Variants in EXTL3 observed in about 807,000 individuals in gnomAD.
The protein encoded by EXTL3 is exostosin like glycosyltransferase 3, also known as exostosin-like 3.
A neutral mutation model predicts 69.3 loss-of-function variants in EXTL3; 27 were observed. The observed-to-expected ratio is 0.39, with a 90% CI of 0.29 to 0.54. The LOEUF (loss-of-function observed/expected upper bound fraction) is 0.54, where lower values mean the gene tolerates loss of function less well. Among genes scored for constraint, EXTL3 ranks in the 20% least tolerant of loss-of-function variants. The pLI, the probability that EXTL3 is intolerant of heterozygous loss-of-function variation, is 0.69. For missense variants in EXTL3, 1,003 were observed against 1,231.8 expected (o/e 0.81, Z 2.78); for synonymous variants, 511 against 499.4 (o/e 1.02, Z -0.31).
chr8:28,732,808 C>T (rs1801566533), intron 4 of EXTL3, among the ~76,000 whole-genome samples: 1 of 152,126 alleles, frequency 6.6e-6, no homozygotes, highest in African/African-American at 2.4e-5. Context: ...ATTGCAACCT[C>T]TGCCTCCCAG....
intron 1 of EXTL3, among the ~76,000 whole-genome samples, chr8:28,629,072 C>T (rs985934547): frequency 6.6e-6 from 1 of 152,098 alleles, no homozygotes; most frequent in Non-Finnish European, 1.5e-5. Flanking sequence ...CGGTGAGGCC[C>T]GAGCTATCCA....
intron 6 of EXTL3, among the ~76,000 whole-genome samples, chr8:28,746,066 T>G (rs1264357021): frequency 6.6e-6 from 1 of 152,236 alleles, no homozygotes; most frequent in Non-Finnish European, 1.5e-5. Flanking sequence ...ATTTACCTAA[T>G]TTTAATGGTA....
At chr8:28,625,821 G>A (rs553255001) in intron 1 of EXTL3, among the ~76,000 whole-genome samples, 18 of 151,964 alleles carry the variant, frequency 1.2e-4, no homozygotes, top group Non-Finnish European at 2.4e-4. Flanking sequence ...TTAGCCAGAA[G>A]TGGGAGGAGA....
intron 5 of EXTL3, among the ~76,000 whole-genome samples, chr8:28,738,551 C>T (rs1277544456): frequency 6.6e-6 from 1 of 152,206 alleles, no homozygotes; most frequent in Non-Finnish European, 1.5e-5. Context: ...GTGCCGCTCT[C>T]TACCTCCCTC....
intron 1 of EXTL3, among the ~76,000 whole-genome samples, chr8:28,662,779 G>A (rs1398315415): frequency 6.6e-6 from 1 of 152,088 alleles, no homozygotes; most frequent in Admixed American, 6.6e-5. Context: ...AGGCGTGGTG[G>A]CACGTGCCTG....
chr8:28,661,525 A>G (rs1185783599), intron 1 of EXTL3, among the ~76,000 whole-genome samples: 1 of 152,056 alleles, frequency 6.6e-6, no homozygotes, highest in African/African-American at 2.4e-5. Flanking sequence ...TGGGGCGTAT[A>G]TAAACACACA....
chr8:28,716,006 C>A lies in EXTL3; in HGVS notation c.-54C>A. 6.9e-7 allele frequency: 1 copy of A among 1,449,696 alleles called. No homozygotes were observed. Among genetic ancestry groups the A allele is most frequent in the South Asian group, 1.2e-5 (1 of 82,640 alleles). 89.8% of individuals were successfully genotyped at this position (1,449,696 alleles called of 1,614,324 possible). ...GAGATCGTTTTGTGGAATAGCAACC[C>A]ATGGTTATGGCGAGTGACCCGACGT... is the stretch of plus-strand genomic sequence containing the variant. On this transcript the variant is annotated 5_prime_UTR_variant, in exon 3 of 7. Coordinates refer to ENST00000220562, the MANE Select transcript of EXTL3 (RefSeq NM_001440.4). The surrounding 1 kb of genome is among the most constrained non-coding windows in gnomAD (Gnocchi z 7.1).
chr8:28,647,167 C>T (rs946548009), intron 1 of EXTL3, among the ~76,000 whole-genome samples: 3 of 151,364 alleles, frequency 2.0e-5, no homozygotes, highest in Non-Finnish European at 4.4e-5. Flanking sequence ...TGCAATGGCA[C>T]GATCTCGGCT....
chr8:28,693,458 A>G (rs1800643505), intron 1 of EXTL3, among the ~76,000 whole-genome samples: 1 of 152,050 alleles, frequency 6.6e-6, no homozygotes, highest in South Asian at 2.1e-4. Context: ...GCCACAGAAA[A>G]CAGATTTGAA....
chr8:28,673,123 C>T (rs1807324826), intron 1 of EXTL3, among the ~76,000 whole-genome samples: 1 of 152,160 alleles, frequency 6.6e-6, no homozygotes, highest in Admixed American at 6.5e-5. Context: ...TTATCAGCAA[C>T]CTGAAAATGG....
chr8:28,743,314 A>G, intron 6 of EXTL3, 100 bp downstream of exon 6: 1 of 1,331,302 alleles, frequency 7.5e-7, no homozygotes, highest in Non-Finnish European at 1.1e-6. Flanking sequence ...CAGAGTCCTC[A>G]TTTGTACAAT....
At chr8:28,703,588 A>T (rs1033077815) in intron 1 of EXTL3, among the ~76,000 whole-genome samples, 2 of 152,048 alleles carry the variant, frequency 1.3e-5, no homozygotes, top group African/African-American at 4.8e-5. Context: ...AGTGATGCGG[A>T]GTCCTTGTCT....
intron 1 of EXTL3, among the ~76,000 whole-genome samples, chr8:28,680,311 A>AC (rs1807464246): frequency 6.7e-6 from 1 of 149,204 alleles, no homozygotes; most frequent in Admixed American, 6.8e-5. Flanking sequence ...AATCACTTGA[A>AC]CCTGGGAGGT....
intron 1 of EXTL3, among the ~76,000 whole-genome samples, chr8:28,682,648 T>C (rs1462085072): frequency 6.6e-6 from 1 of 152,184 alleles, no homozygotes; most frequent in African/African-American, 2.4e-5. Flanking sequence ...TTCACCATGT[T>C]GGCCAGGCTG....
chr8:28,650,740 A>G (rs1346231862), intron 1 of EXTL3, among the ~76,000 whole-genome samples: 1 of 151,998 alleles, frequency 6.6e-6, no homozygotes, highest in East Asian at 1.9e-4. Flanking sequence ...CCATACAGGT[A>G]GGAGTTGGTT....
chr8:28,653,429 A>T (rs1806958598), intron 1 of EXTL3, among the ~76,000 whole-genome samples: 1 of 152,172 alleles, frequency 6.6e-6, no homozygotes, highest in South Asian at 2.1e-4. Context: ...TAAGTGTCAT[A>T]CTTAAGAAAC....
intron 3 of EXTL3, among the ~76,000 whole-genome samples, chr8:28,718,592 T>G (rs1226117170): frequency 6.6e-6 from 1 of 152,228 alleles, no homozygotes; most frequent in East Asian, 1.9e-4. Flanking sequence ...ATATTATCGC[T>G]GTTTCTTCAG....
chr8:28,707,121 G>A (rs1295707817), intron 1 of EXTL3, among the ~76,000 whole-genome samples: 1 of 152,086 alleles, frequency 6.6e-6, no homozygotes, highest in Non-Finnish European at 1.5e-5. Context: ...ATGTAATGAG[G>A]TGTTCTTTAA....
At chr8:28,687,194 G>A (rs988062670) in intron 1 of EXTL3, among the ~76,000 whole-genome samples, 5 of 152,080 alleles carry the variant, frequency 3.3e-5, no homozygotes, top group African/African-American at 4.8e-5. Context: ...GGCTGGTTGC[G>A]GTGGCTCACG....
Sources: allele counts gnomAD v4.1 joint callset (sites outside exome capture counted in the v4.1 genomes callset), GRCh38; gene constraint gnomAD v4.1.1; non-coding constraint Gnocchi (gnomAD v3.1); transcripts MANE v1.5; gene names NCBI Gene and HGNC (gene_info 2026-07-23, HGNC 2026-07-21).